PINX1: variants seen among roughly 807,000 people sequenced by gnomAD.
The protein encoded by PINX1 is PIN2/TERF1-interacting telomerase inhibitor 1.
PINX1 carries 34 observed loss-of-function variants against 25.4 expected under a neutral mutation model. The ratio of observed to expected loss-of-function variants is 1.34; its 90% CI spans 1.02 to 1.78. The LOEUF (loss-of-function observed/expected upper bound fraction) is 1.78. Among genes scored for constraint, PINX1 ranks in the 40% most tolerant of loss-of-function variants. The pLI is 0.00. For missense variants in PINX1, 592 were observed against 404.9 expected (o/e 1.46, Z -3.97); for synonymous variants, 197 against 147.7 (o/e 1.33, Z -2.42).
chr8:10,810,350 G>C (rs1053220412), intron 6 of PINX1, among the ~76,000 whole-genome samples: 2 of 152,184 alleles, frequency 1.3e-5, no homozygotes, highest in Non-Finnish European at 2.9e-5. Context: ...GCCGGGACAA[G>C]TCGTGGCTCA....
intron 6 of PINX1, among the ~76,000 whole-genome samples, chr8:10,792,731 A>G (rs919139176): frequency 2.0e-5 from 3 of 152,238 alleles, no homozygotes; most frequent in African/African-American, 7.2e-5. Flanking sequence ...GTAATAGGAA[A>G]AAAAGAACTA....
At chr8:10,770,443 A>G (rs1383129673) in intron 6 of PINX1, among the ~76,000 whole-genome samples, 1 of 152,194 alleles carries the variant, frequency 6.6e-6, no homozygotes, top group African/African-American at 2.4e-5. Flanking sequence ...CGGTCCCTGA[A>G]AGATGCCTGA....
At chr8:10,787,098 T>C (rs191970265) in intron 6 of PINX1, among the ~76,000 whole-genome samples, 3 of 152,324 alleles carry the variant, frequency 2.0e-5, no homozygotes, top group Admixed American at 6.5e-5. Flanking sequence ...GTTATTTTTA[T>C]ATTTTTGTAA....
chr8:10,817,758 G>C (rs1797745219), intron 6 of PINX1, among the ~76,000 whole-genome samples: 1 of 152,086 alleles, frequency 6.6e-6, no homozygotes, highest in Admixed American at 6.6e-5. Context: ...TCTGCAGTTT[G>C]ACAGGGAAGA....
intron 6 of PINX1, chr8:10,787,629 G>A: frequency 3.1e-6 from 1 of 323,022 alleles, no homozygotes; most frequent in Non-Finnish European, 6.1e-6. Flanking sequence ...TTTACCTTTT[G>A]GTAAAAAGCC....
At chr8:10,773,517 C>T (rs1021685979) in intron 6 of PINX1, among the ~76,000 whole-genome samples, 3 of 152,218 alleles carry the variant, frequency 2.0e-5, no homozygotes, top group Admixed American at 1.3e-4. Context: ...CAAACTCAGA[C>T]ACACCGGACA....
chr8:10,825,932 A>T (rs1798023895), intron 5 of PINX1, among the ~76,000 whole-genome samples: 1 of 152,172 alleles, frequency 6.6e-6, no homozygotes, highest in Admixed American at 6.5e-5. Flanking sequence ...ACAGTCTAAA[A>T]CCTAATCTGG....
chr8:10,822,613 A>C (rs1797913219), intron 5 of PINX1, among the ~76,000 whole-genome samples: 1 of 152,246 alleles, frequency 6.6e-6, no homozygotes. Context: ...CAGAGTAGCT[A>C]CTGGGAAGGG....
chr8:10,784,030 C>T lies in PINX1; in HGVS notation c.472-18114G>A, dbSNP rs565133291. On this transcript the variant is annotated intron_variant, in intron 6 of 6. Coordinates refer to ENST00000314787, the MANE Select transcript of PINX1 (RefSeq NM_017884.6). ...ACAGTGGTTAAAGCCTTGTAAGAAT[C>T]CCTATAAAGAGTCTAAACTAAACTC... Among the ~76,000 whole-genome samples, 3 of 152,234 alleles carry T rather than the reference C, an allele frequency of 2.0e-5. No individual in the cohort carries two copies. In the South Asian group the frequency reaches 6.2e-4, roughly 32 times the overall value.
At chr8:10,822,558 T>A (rs1289641028) in intron 5 of PINX1, among the ~76,000 whole-genome samples, 3 of 152,216 alleles carry the variant, frequency 2.0e-5, no homozygotes, top group Non-Finnish European at 4.4e-5. Context: ...TAGGTTTGCT[T>A]TAGCTGTTTG....
chr8:10,831,514 T>C (rs1798225746), intron 4 of PINX1, 151 bp downstream of exon 4: 3 of 618,824 alleles, frequency 4.8e-6, no homozygotes, highest in East Asian at 5.5e-5. Context: ...ATAACACATG[T>C]GTACATTACA....
At chr8:10,789,281 T>C (rs1336854790) in intron 6 of PINX1, among the ~76,000 whole-genome samples, 1 of 152,212 alleles carries the variant, frequency 6.6e-6, no homozygotes, top group Admixed American at 6.5e-5. Context: ...ATCCTTTTTT[T>C]CCAGATGTAA....
At chr8:10,826,688 C>T (rs1798059728) in intron 4 of PINX1, among the ~76,000 whole-genome samples, 1 of 152,202 alleles carries the variant, frequency 6.6e-6, no homozygotes, top group Non-Finnish European at 1.5e-5. Flanking sequence ...GCGGCGGCCG[C>T]TGCCACCGCA....
chr8:10,790,010 T>A (rs1801872956), intron 6 of PINX1, among the ~76,000 whole-genome samples: 1 of 152,170 alleles, frequency 6.6e-6, no homozygotes, highest in Non-Finnish European at 1.5e-5. Flanking sequence ...GACAACTGCA[T>A]TCAGGAGGCC....
chr8:10,834,624 C>G (rs375187635), intron 2 of PINX1, 42 bp downstream of exon 2: 2 of 1,603,362 alleles, frequency 1.2e-6, no homozygotes, highest in Non-Finnish European at 1.7e-6. Context: ...TTTCTAATCT[C>G]TTTTCATAGC....
At chr8:10,837,562 T>C (rs1798438940) in intron 1 of PINX1, among the ~76,000 whole-genome samples, 2 of 152,230 alleles carry the variant, frequency 1.3e-5, no homozygotes, top group South Asian at 4.1e-4. Flanking sequence ...GTTTACAGCA[T>C]GGCGCTGGGC....
chr8:10,796,948 G>T (rs1316398675), intron 6 of PINX1, among the ~76,000 whole-genome samples: 1 of 151,954 alleles, frequency 6.6e-6, no homozygotes, highest in Non-Finnish European at 1.5e-5. Context: ...CAGCAACACT[G>T]ATGGTTCCAA....
chr8:10,808,000 T>A (rs542123682), intron 6 of PINX1, among the ~76,000 whole-genome samples: 1 of 149,302 alleles, frequency 6.7e-6, no homozygotes, highest in African/African-American at 2.6e-5. Flanking sequence ...TACCAAAGAG[T>A]CTAGAGGGAA....
At chr8:10,826,016 A>C in intron 5 of PINX1, 136 bp downstream of exon 5, 1 of 593,952 alleles carries the variant, frequency 1.7e-6, no homozygotes, top group Non-Finnish European at 3.0e-6. Flanking sequence ...CGAAGACTCC[A>C]GCGCTGTTTC....
Sources: gnomAD v4.1 joint callset for allele counts (sites outside exome capture counted in the v4.1 genomes callset) on GRCh38, gnomAD v4.1.1 for gene constraint, MANE v1.5 for transcripts, NCBI Gene and HGNC (gene_info 2026-07-23, HGNC 2026-07-21) for gene names.